Variants in CADM2 observed in about 807,000 individuals in gnomAD.
The protein encoded by CADM2 is immunoglobulin superfamily member 4D.
A neutral mutation model predicts 49.8 loss-of-function variants in CADM2; 12 were observed. That is an observed-to-expected ratio of 0.24 (90% CI 0.15 to 0.39). CADM2 has a LOEUF of 0.39. Ranked by LOEUF, CADM2 falls within the 10% of genes least tolerant of loss-of-function variation. The pLI is 1.00. For missense variants in CADM2, 378 were observed against 492.3 expected, an observed-to-expected ratio of 0.77 and a Z score of 2.20; for synonymous variants, 214 against 175.4, an observed-to-expected ratio of 1.22 and a Z score of -1.74.
At chr3:85,165,506 T>C (rs2040449284) in intron 1 of CADM2, among the ~76,000 whole-genome samples, 1 of 152,024 alleles carries the variant, frequency 6.6e-6, no homozygotes, top group Admixed American at 6.6e-5. Context: ...TTCATATTGA[T>C]GTAATATGTG....
chr3:85,972,172 T>C (rs1726239406), intron 8 of CADM2, among the ~76,000 whole-genome samples: 1 of 151,648 alleles, frequency 6.6e-6, no homozygotes, highest in Non-Finnish European at 1.5e-5. Context: ...TGCATGTAGC[T>C]GAGCATAATG....
At chr3:86,030,693 C>T (rs183537417) in intron 8 of CADM2, among the ~76,000 whole-genome samples, 99 of 151,880 alleles carry the variant, frequency 6.5e-4, no homozygotes, top group African/African-American at 2.3e-3. Flanking sequence ...ATAAGGTCAA[C>T]GCTATAAGGG....
intron 1 of CADM2, among the ~76,000 whole-genome samples, chr3:85,581,219 T>C (rs1162266822): frequency 6.6e-6 from 1 of 152,126 alleles, no homozygotes; most frequent in East Asian, 1.9e-4. Flanking sequence ...AATGTGCTCT[T>C]TCATTCATTA....
intron 1 of CADM2, among the ~76,000 whole-genome samples, chr3:85,629,167 TA>T (rs992251860): frequency 4.6e-5 from 7 of 151,836 alleles, no homozygotes; most frequent in African/African-American, 1.4e-4. Flanking sequence ...TTTTAAGTAA[TA>T]TTTTAAAGTA....
intron 1 of CADM2, among the ~76,000 whole-genome samples, chr3:85,414,315 A>T (rs1297124912): frequency 2.6e-5 from 4 of 152,212 alleles, no homozygotes; most frequent in African/African-American, 9.6e-5. Flanking sequence ...TAATAAGCAA[A>T]ACTAGACTGC....
chr3:85,976,441 A>T (rs1174786210), intron 8 of CADM2, among the ~76,000 whole-genome samples: 1 of 151,628 alleles, frequency 6.6e-6, no homozygotes, highest in East Asian at 1.9e-4. Flanking sequence ...GTTCAATTTT[A>T]GTTGCTTCCC....
intron 1 of CADM2, among the ~76,000 whole-genome samples, chr3:85,290,315 G>A (rs2043752783): frequency 6.6e-6 from 1 of 152,158 alleles, no homozygotes; most frequent in Admixed American, 6.5e-5. Context: ...CTGATTGCTA[G>A]CACAGCAGTC....
chr3:85,824,592 A>C (rs1209592111), intron 3 of CADM2, among the ~76,000 whole-genome samples: 2 of 152,080 alleles, frequency 1.3e-5, no homozygotes. Context: ...GAGTCTCTTC[A>C]TTCGTGGGTT....
At chr3:85,046,240 C>T (rs760539033) in intron 1 of CADM2, among the ~76,000 whole-genome samples, 4 of 151,944 alleles carry the variant, frequency 2.6e-5, no homozygotes, top group Non-Finnish European at 5.9e-5. Flanking sequence ...TTGCGTTATT[C>T]CAAAATGCAT....
intron 8 of CADM2, among the ~76,000 whole-genome samples, chr3:85,963,461 C>T (rs949068160): frequency 6.6e-6 from 1 of 151,816 alleles, no homozygotes; most frequent in African/African-American, 2.4e-5. Context: ...TCAGTTGATG[C>T]TCCCTGGATG....
At chr3:85,530,784 G>C (rs1177504752) in intron 1 of CADM2, among the ~76,000 whole-genome samples, 1 of 151,086 alleles carries the variant, frequency 6.6e-6, no homozygotes, top group Non-Finnish European at 1.5e-5. Flanking sequence ...CTTATTGGTA[G>C]GTAAAAGCAT....
intron 8 of CADM2, among the ~76,000 whole-genome samples, chr3:86,040,343 T>C (rs1735712755): frequency 6.6e-6 from 1 of 151,962 alleles, no homozygotes; most frequent in Non-Finnish European, 1.5e-5. Context: ...GAAAAAAAAT[T>C]AGATGAATGG....
chr3:84,959,366 A>G lies in CADM2; in HGVS notation c.-242A>G. ...CTGGAAGACGGGCTGTCGCGGCTGC[A>G]CCACCAGCAGGAGGAGGAGGAGAAG... is the stretch of plus-strand genomic sequence containing the variant. On this transcript the variant is annotated 5_prime_UTR_variant, in exon 1 of 10. Coordinates refer to ENST00000383699, the MANE Select transcript of CADM2 (RefSeq NM_001167675.2). The G allele has an allele frequency of 1.8e-6, 1 of 567,988 alleles. No homozygotes were observed. The highest frequency in any genetic ancestry group is 3.1e-6 in the Non-Finnish European group (1 of 319,434). 35.2% of individuals were successfully genotyped at this position (567,988 alleles called of 1,614,324 possible).
At chr3:85,504,032 G>A (rs1370166659) in intron 1 of CADM2, among the ~76,000 whole-genome samples, 2 of 152,172 alleles carry the variant, frequency 1.3e-5, no homozygotes, top group African/African-American at 4.8e-5. Context: ...TATTGTGTCC[G>A]GACTTGGTGG....
chr3:85,655,561 G>T (rs2107594708), intron 1 of CADM2, among the ~76,000 whole-genome samples: 1 of 151,912 alleles, frequency 6.6e-6, no homozygotes, highest in East Asian at 1.9e-4. Flanking sequence ...GGTAGGCACT[G>T]TACTAAAACT....
At chr3:85,342,959 T>C (rs1363839453) in intron 1 of CADM2, among the ~76,000 whole-genome samples, 1 of 152,214 alleles carries the variant, frequency 6.6e-6, no homozygotes, top group Non-Finnish European at 1.5e-5. Context: ...GGTCTTAAAT[T>C]AGTATTAATG....
intron 3 of CADM2, among the ~76,000 whole-genome samples, chr3:85,829,717 C>A (rs1469148152): frequency 6.6e-6 from 1 of 151,926 alleles, no homozygotes; most frequent in Non-Finnish European, 1.5e-5. Context: ...ATTCTCTCTG[C>A]TCCTCTGAGT....
chr3:85,210,007 G>T (rs1168727806), intron 1 of CADM2, among the ~76,000 whole-genome samples: 2 of 152,120 alleles, frequency 1.3e-5, no homozygotes, highest in Non-Finnish European at 2.9e-5. Context: ...TGGAAATCTG[G>T]AAGAAAAATA....
At chr3:84,961,079 T>C (rs2030462788) in intron 1 of CADM2, among the ~76,000 whole-genome samples, 1 of 152,120 alleles carries the variant, frequency 6.6e-6, no homozygotes, top group African/African-American at 2.4e-5. Context: ...AAAGGTAAGT[T>C]GATCAAATTA....
Sources: allele counts gnomAD v4.1 joint callset (sites outside exome capture counted in the v4.1 genomes callset), GRCh38; gene constraint gnomAD v4.1.1; transcripts MANE v1.5; gene names NCBI Gene and HGNC (gene_info 2026-07-23, HGNC 2026-07-21).